Variants in RABEP1 observed in about 807,000 individuals in gnomAD.
RABEP1 encodes rab GTPase-binding effector protein 1.
Under a neutral mutation model 123.4 loss-of-function variants are expected in RABEP1, and 51 were observed. The ratio of observed to expected loss-of-function variants is 0.41; its 90% CI spans 0.33 to 0.52. The LOEUF (loss-of-function observed/expected upper bound fraction) is 0.52, where lower values mean the gene tolerates loss of function less well. Among genes scored for constraint, RABEP1 ranks in the 20% least tolerant of loss-of-function variants. The pLI is 0.16. For missense variants in RABEP1, 888 were observed against 996.3 expected (o/e 0.89, Z 1.46); for synonymous variants, 347 against 355.2 (o/e 0.98, Z 0.26).
Position 5,350,623 on chromosome 17 carries a change from A to G in RABEP1, c.957A>G (p.Lys319=), listed in dbSNP as rs1038584649. The part of the protein sequence containing the change: ...QLRQVEELKK[K]DQEDDEQQRL... ...GACAAGTTGAAGAACTGAAGAAGAA[A>G]GATCAGGTGAATAGAAGTTTTTAGG... is the stretch of plus-strand genomic sequence containing the variant. Residue 319 remains lysine, a synonymous_variant, in exon 7 of 18, where the codon AAA becomes AAG. Transcript: ENST00000537505. 3.1e-6 allele frequency: 5 copies of G among 1,613,670 alleles called. No individual in the cohort carries two copies. Among genetic ancestry groups the G allele is most frequent in the Non-Finnish European group, 4.2e-6 (5 of 1,179,914 alleles).
At chr17:5,372,759 ATT>A (rs56024470) in intron 12 of RABEP1, among the ~76,000 whole-genome samples, 404 of 146,588 alleles carry the variant, frequency 2.8e-3, no homozygotes, top group Non-Finnish European at 4.4e-3. Context: ...GAAAATATTA[ATT>A]TTTTTTTTTT....
At chr17:5,311,992 A>G (rs1410390390) in intron 2 of RABEP1, among the ~76,000 whole-genome samples, 2 of 152,216 alleles carry the variant, frequency 1.3e-5, no homozygotes, top group African/African-American at 2.4e-5. Context: ...GTTAAATTAC[A>G]TAGTTCTTTA....
intron 12 of RABEP1, among the ~76,000 whole-genome samples, chr17:5,369,225 A>T (rs533130271): frequency 5.9e-5 from 9 of 152,260 alleles, no homozygotes; most frequent in African/African-American, 2.2e-4. Context: ...ATGGGGGCAG[A>T]GTGTTATGAG....
At chr17:5,334,034 G>T (rs538459314) in intron 3 of RABEP1, among the ~76,000 whole-genome samples, 2 of 150,746 alleles carry the variant, frequency 1.3e-5, no homozygotes, top group African/African-American at 4.9e-5. Context: ...CAATCAACAG[G>T]GTCTGTTACC....
At chr17:5,286,419 G>A (rs1004902814) in intron 1 of RABEP1, among the ~76,000 whole-genome samples, 29 of 152,132 alleles carry the variant, frequency 1.9e-4, no homozygotes, top group Admixed American at 4.6e-4. Flanking sequence ...GCTTGAACCC[G>A]GGAGGTGGAG....
chr17:5,308,720 T>C lies in RABEP1; in HGVS notation c.61T>C (p.Leu21=), dbSNP rs1157900693. The C allele has an allele frequency of 1.2e-6, 2 of 1,612,362 alleles. No homozygotes were observed. The highest frequency in any genetic ancestry group is 1.7e-6 in the Non-Finnish European group (2 of 1,179,398). The change falls in exon 2 of 18, where the codon TTG becomes CTG. Residue 21 remains leucine (L), a synonymous_variant. Transcript: ENST00000537505. ...TTCTCTTCAGCAACGGGTAGCAGAA[T>C]TGGAAAAAATTAATGCAGAATTTTT... The part of the protein sequence containing the change: ...DVSLQQRVAE[L]EKINAEFLRA...
intron 2 of RABEP1, among the ~76,000 whole-genome samples, chr17:5,319,335 AAAAAAAC>A (rs1164477049): frequency 8.4e-5 from 10 of 119,072 alleles, no homozygotes; most frequent in African/African-American, 2.5e-4. Context: ...CTCAAAAAAA[AAAAAAAC>A]AAAAAAACAA....
At chr17:5,341,287 A>G (rs1031203436) in intron 5 of RABEP1, among the ~76,000 whole-genome samples, 1 of 152,214 alleles carries the variant, frequency 6.6e-6, no homozygotes, top group African/African-American at 2.4e-5. Context: ...AAAAAAGAAC[A>G]TAACTACAAA....
chr17:5,292,803 T>G (rs1362636117), intron 1 of RABEP1, among the ~76,000 whole-genome samples: 1 of 152,118 alleles, frequency 6.6e-6, no homozygotes, highest in Non-Finnish European at 1.5e-5. Flanking sequence ...CACCTCAGCC[T>G]CTGGAGTAGC....
intron 2 of RABEP1, among the ~76,000 whole-genome samples, chr17:5,320,997 A>G (rs2075350051): frequency 6.6e-6 from 1 of 152,246 alleles, no homozygotes; most frequent in Admixed American, 6.5e-5. Context: ...AACAAGCCCC[A>G]ACTATATACT....
chr17:5,329,459 A>T (rs545359514), intron 2 of RABEP1, among the ~76,000 whole-genome samples: 2 of 152,326 alleles, frequency 1.3e-5, no homozygotes, highest in South Asian at 4.1e-4. Flanking sequence ...TGAACCCGGG[A>T]GGCAGAGGTT....
Position 5,282,359 on chromosome 17 carries a change from C to A in RABEP1, c.-128C>A. The A allele has an allele frequency of 1.3e-6, 1 of 743,864 alleles. No individual in the cohort carries two copies. The highest frequency in any genetic ancestry group is 1.9e-6 in the Non-Finnish European group (1 of 527,278). The allele number at this position is 743,864 out of a possible 1,614,324, so 46.1% of individuals were successfully genotyped here. A position where few individuals can be genotyped will look rare whatever the true frequency, so the allele number is the denominator to read the frequency against. On this transcript the variant is annotated 5_prime_UTR_variant, in exon 1 of 18. Transcript: ENST00000537505. ...CTGTGGCGGCGCCGGCGGATCCAGC[C>A]TTAGCGGTTTCTCTCTGGGCGGCGG... is the stretch of plus-strand genomic sequence containing the variant.
chr17:5,296,697 T>C (rs1567866313), intron 1 of RABEP1, among the ~76,000 whole-genome samples: 1 of 152,236 alleles, frequency 6.6e-6, no homozygotes, highest in Admixed American at 6.5e-5. Flanking sequence ...TCAAGATTCA[T>C]CTTAACTTGT....
chr17:5,286,311 T>A (rs929677470), intron 1 of RABEP1, among the ~76,000 whole-genome samples: 1 of 152,150 alleles, frequency 6.6e-6, no homozygotes, highest in East Asian at 1.9e-4. Flanking sequence ...CTGGCCAATA[T>A]GGTGAAACCC....
intron 1 of RABEP1, among the ~76,000 whole-genome samples, 176 bp downstream of exon 1, chr17:5,282,696 G>A (rs1166248008): frequency 1.4e-5 from 2 of 147,544 alleles, no homozygotes; most frequent in Non-Finnish European, 3.0e-5. Flanking sequence ...CGGGCGCCCC[G>A]GCTGCCGTCG....
chr17:5,340,967 A>G (rs186841665), intron 5 of RABEP1, among the ~76,000 whole-genome samples: 1 of 150,802 alleles, frequency 6.6e-6, no homozygotes, highest in East Asian at 1.9e-4. Flanking sequence ...AAAAAAGTAC[A>G]AACAAAATAA....
rs369342265 is a variant in RABEP1 at position 5,346,912 on chromosome 17, A to G, written c.771A>G (p.Lys257=). ...AGGAAGATGCTGAGAAACTGCGGAA[A>G]GAATTGCATGAAGGTAAATATACTG... ...VLQEDAEKLR[K]ELHEVCHLLE... The change falls in exon 6 of 18, where the codon AAA becomes AAG. Residue 257 remains lysine, a synonymous_variant. Coordinates refer to ENST00000537505, the MANE Select transcript of RABEP1 (RefSeq NM_004703.6). 1.9e-6 allele frequency: 3 copies of G among 1,603,204 alleles called. No individual in the cohort carries two copies. Among genetic ancestry groups the G allele is most frequent in the Non-Finnish European group, 8.5e-7 (1 of 1,174,084 alleles).
At chr17:5,358,403 G>T (rs1011725714) in intron 8 of RABEP1, among the ~76,000 whole-genome samples, 5 of 152,060 alleles carry the variant, frequency 3.3e-5, no homozygotes, top group Non-Finnish European at 5.9e-5. Flanking sequence ...GGGCATGGTG[G>T]CTCACAAGTG....
chr17:5,294,724 T>G (rs1244501668), intron 1 of RABEP1, among the ~76,000 whole-genome samples: 1 of 129,328 alleles, frequency 7.7e-6, no homozygotes, highest in Non-Finnish European at 1.6e-5. Context: ...CTCGGCTCAC[T>G]GCAAGCTCTG....
Sources: gnomAD v4.1 joint callset for allele counts (sites outside exome capture counted in the v4.1 genomes callset) on GRCh38, gnomAD v4.1.1 for gene constraint, MANE v1.5 for transcripts, NCBI Gene and HGNC (gene_info 2026-07-23, HGNC 2026-07-21) for gene names.